The following MDGA2 variants were observed in gnomAD, a reference collection of about 807,000 sequenced individuals.
MDGA2 encodes MAM domain containing glycosylphosphatidylinositol anchor 2, also known as MAM domain-containing glycosylphosphatidylinositol anchor protein 2.
Under a neutral mutation model 117.8 loss-of-function variants are expected in MDGA2, and 40 were observed. The observed-to-expected ratio is 0.34, with a 90% CI of 0.26 to 0.44. The LOEUF (loss-of-function observed/expected upper bound fraction) is 0.44, where lower values mean the gene tolerates loss of function less well. Ranked by LOEUF, MDGA2 falls within the 20% of genes least tolerant of loss-of-function variation. The probability of loss-of-function intolerance (pLI) is 1.00; values close to 1 mark genes in which losing one functional copy is unlikely to be tolerated. For synonymous variants in MDGA2, 452 were observed against 439.0 expected, an observed-to-expected ratio of 1.03 and a Z score of -0.37; for missense variants, 1,123 against 1,250.6, an observed-to-expected ratio of 0.90 and a Z score of 1.54.
chr14:46,922,073 TA>T lies in MDGA2; in HGVS notation c.2090-1914del, dbSNP rs1220105265. On this transcript the variant is annotated intron_variant, in intron 9 of 16. Transcript: ENST00000399232. The stretch of plus-strand genomic sequence containing the variant: ...ATCAAGAAGAGAATACAGGGACAAC[TA>T]GGGGTTTTTTTTAGCATGGATAAAA... Among the ~76,000 whole-genome samples, 9 of 152,088 alleles carry T rather than the reference TA, an allele frequency of 5.9e-5. 1 individual carries two copies. Among genetic ancestry groups the T allele is most frequent in the African/African-American group, 1.9e-4 (8 of 41,502 alleles).
intron 2 of MDGA2, among the ~76,000 whole-genome samples, chr14:47,219,128 T>C (rs1416893816): frequency 6.6e-6 from 1 of 152,104 alleles, no homozygotes; most frequent in Non-Finnish European, 1.5e-5. Context: ...AAACAGCTGA[T>C]AGAAATCCTC....
At chr14:47,637,068 A>C (rs1412453092) in intron 1 of MDGA2, among the ~76,000 whole-genome samples, 1 of 152,170 alleles carries the variant, frequency 6.6e-6, no homozygotes, top group African/African-American at 2.4e-5. Flanking sequence ...CATCATAATA[A>C]ATATGTACAC....
At chr14:47,258,262 GAA>G (rs1391582722) in intron 2 of MDGA2, among the ~76,000 whole-genome samples, 1 of 152,090 alleles carries the variant, frequency 6.6e-6, no homozygotes, top group Non-Finnish European at 1.5e-5. Context: ...AATTTATAAA[GAA>G]AAGAGGTTTA....
intron 1 of MDGA2, among the ~76,000 whole-genome samples, chr14:47,499,203 T>A (rs1343068386): frequency 6.6e-6 from 1 of 152,120 alleles, no homozygotes. Flanking sequence ...TTGCATAAAA[T>A]GTACCTGGCT....
intron 1 of MDGA2, among the ~76,000 whole-genome samples, chr14:47,628,615 CTA>C (rs1157699474): frequency 1.3e-5 from 2 of 152,278 alleles, no homozygotes; most frequent in East Asian, 3.9e-4. Flanking sequence ...ACTCCTAAGA[CTA>C]AAACTATGGT....
At chr14:47,025,915 T>C (rs1421157171) in intron 8 of MDGA2, among the ~76,000 whole-genome samples, 1 of 152,122 alleles carries the variant, frequency 6.6e-6, no homozygotes, top group Non-Finnish European at 1.5e-5. Flanking sequence ...TGGCAAGCTA[T>C]TGTTTCTGTC....
rs181390792 is a variant in MDGA2 at position 46,948,935 on chromosome 14, G to T, written c.2089+8439C>A. On this transcript the variant is annotated intron_variant, in intron 9 of 16. Coordinates refer to ENST00000399232, the MANE Select transcript of MDGA2 (RefSeq NM_001113498.3). ...GACATCAGTCATCCTCTCCATCTCT[G>T]CCTTTTTGGAGGGGCATTTTCAATG... 2.0e-3 allele frequency among the ~76,000 whole-genome samples: 306 copies of T among 152,062 alleles called. 2 individuals are homozygous for T. The highest frequency in any genetic ancestry group is 3.1e-3 in the Non-Finnish European group (213 of 67,966).
chr14:47,477,043 T>A (rs1342368927), intron 1 of MDGA2, among the ~76,000 whole-genome samples: 1 of 152,142 alleles, frequency 6.6e-6, no homozygotes, highest in Admixed American at 6.5e-5. Context: ...ACGCCTGTAA[T>A]CCCAGCTACT....
At chr14:47,004,628 T>C (rs1023562290) in intron 8 of MDGA2, among the ~76,000 whole-genome samples, 14 of 151,752 alleles carry the variant, frequency 9.2e-5, no homozygotes, top group African/African-American at 3.4e-4. Flanking sequence ...ACTTCTAGAA[T>C]TTCAAATGAG....
At chr14:47,019,701 G>A (rs1888216497) in intron 8 of MDGA2, among the ~76,000 whole-genome samples, 1 of 151,910 alleles carries the variant, frequency 6.6e-6, no homozygotes, top group African/African-American at 2.4e-5. Context: ...AAAATTAGCC[G>A]GGCGTGGTGG....
chr14:47,188,689 T>A (rs1214525500), intron 3 of MDGA2, among the ~76,000 whole-genome samples: 2 of 152,138 alleles, frequency 1.3e-5, no homozygotes, highest in Non-Finnish European at 2.9e-5. Context: ...TAAACTAGGC[T>A]ATGAAATGTA....
rs761330416 is a variant in MDGA2, at chr14:47,674,797, GCA to G, written c.-3_-2del. 3.4e-5 allele frequency: 23 copies of G among 675,494 alleles called. No homozygotes were observed. Among genetic ancestry groups the G allele is most frequent in the South Asian group, 2.0e-4 (13 of 63,748 alleles). The allele number at this position is 675,494 out of a possible 1,614,324, so 41.8% of individuals were successfully genotyped here. A position where few individuals can be genotyped will look rare whatever the true frequency, so the allele number is the denominator to read the frequency against. ...GGAGCCCCGCACTCCACACACTCAT[GCA>G]CACACACACTCACACACACTCACAC... On this transcript the variant is annotated 5_prime_UTR_variant, in exon 1 of 17. Coordinates refer to ENST00000399232, the MANE Select transcript of MDGA2 (RefSeq NM_001113498.3).
chr14:47,149,187 C>G (rs374035020), intron 3 of MDGA2, among the ~76,000 whole-genome samples: 1 of 151,942 alleles, frequency 6.6e-6, no homozygotes, highest in Non-Finnish European at 1.5e-5. Context: ...CTAGTCAGGA[C>G]GCTGAGGCAG....
At chr14:47,151,357 G>T (rs530067922) in intron 3 of MDGA2, among the ~76,000 whole-genome samples, 7 of 152,252 alleles carry the variant, frequency 4.6e-5, no homozygotes, top group African/African-American at 1.7e-4. Flanking sequence ...CCATTAGAAG[G>T]GCTGACTGGA....
intron 6 of MDGA2, among the ~76,000 whole-genome samples, chr14:47,074,323 T>C (rs550095796): frequency 6.6e-6 from 1 of 151,404 alleles, no homozygotes; most frequent in South Asian, 2.1e-4. Context: ...TTTTTGAACG[T>C]GGAGTCTCGC....
chr14:47,598,180 T>C (rs1293076204), intron 1 of MDGA2, among the ~76,000 whole-genome samples: 1 of 152,160 alleles, frequency 6.6e-6, no homozygotes, highest in Admixed American at 6.5e-5. Context: ...ATAACAAATG[T>C]TAGTAAGGAT....
intron 1 of MDGA2, among the ~76,000 whole-genome samples, chr14:47,349,735 A>G (rs1025820463): frequency 2.4e-4 from 37 of 152,364 alleles, no homozygotes; most frequent in African/African-American, 7.9e-4. Flanking sequence ...ATAAAAGGCA[A>G]TCGATACTAG....
At chr14:46,931,936 T>C (rs1884594636) in intron 9 of MDGA2, among the ~76,000 whole-genome samples, 1 of 66,076 alleles carries the variant, frequency 1.5e-5, no homozygotes, top group South Asian at 9.1e-4. Flanking sequence ...ATGACTGGAG[T>C]AATCCATAGA....
At chr14:47,338,866 G>A (rs1305427577) in intron 1 of MDGA2, among the ~76,000 whole-genome samples, 1 of 152,064 alleles carries the variant, frequency 6.6e-6, no homozygotes. Flanking sequence ...GAAACTTGAT[G>A]TTAAGCAACA....
Sources: allele counts gnomAD v4.1 joint callset (sites outside exome capture counted in the v4.1 genomes callset), GRCh38; gene constraint gnomAD v4.1.1; transcripts MANE v1.5; gene names NCBI Gene and HGNC (gene_info 2026-07-23, HGNC 2026-07-21).